CNTNAP5: variants seen among roughly 807,000 people sequenced by gnomAD.
CNTNAP5 encodes contactin-associated protein-like 5.
A neutral mutation model predicts 150.2 loss-of-function variants in CNTNAP5; 72 were observed. The ratio of observed to expected loss-of-function variants is 0.48; its 90% CI spans 0.40 to 0.58. CNTNAP5 has a LOEUF of 0.58. CNTNAP5 is among the 20% of genes least tolerant of loss of function. The pLI is 0.00. For missense variants in CNTNAP5, 1,636 were observed against 1,626.2 expected (o/e 1.01, Z -0.10); for synonymous variants, 672 against 619.8 (o/e 1.08, Z -1.25).
At position 124,880,016 on chromosome 2, in the gene CNTNAP5, C is replaced by T. The variant is rs187897559; in HGVS notation, c.3436+10254C>T. Among the ~76,000 whole-genome samples, 389 of 152,230 alleles carry T rather than the reference C, an allele frequency of 2.6e-3. 5 individuals are homozygous for T. Among genetic ancestry groups the T allele is most frequent in the African/African-American group, 9.0e-3 (372 of 41,552 alleles). ...CACAGATTAGAATTCTAGGTGCTTT[C>T]CCACACAGAAGGAGAGGGAATTGAG... On this transcript the variant is annotated intron_variant, in intron 21 of 23. Coordinates refer to ENST00000682447, the MANE Select transcript of CNTNAP5 (RefSeq NM_001367498.1).
At chr2:124,128,503 C>T (rs553896371) in intron 1 of CNTNAP5, among the ~76,000 whole-genome samples, 11 of 152,246 alleles carry the variant, frequency 7.2e-5, no homozygotes, top group East Asian at 5.8e-4. Flanking sequence ...GACAGTGTGG[C>T]GATTCCTCAA....
chr2:124,028,612 C>T (rs1272283472), intron 1 of CNTNAP5, among the ~76,000 whole-genome samples: 2 of 152,066 alleles, frequency 1.3e-5, no homozygotes, highest in Admixed American at 6.6e-5. Context: ...AATTAGTTAA[C>T]ATCAAATGTA....
intron 13 of CNTNAP5, among the ~76,000 whole-genome samples, chr2:124,733,992 G>A (rs1680329495): frequency 6.6e-6 from 1 of 152,126 alleles, no homozygotes; most frequent in African/African-American, 2.4e-5. Flanking sequence ...CATGTGTGAA[G>A]CCTGAGTAGG....
intron 9 of CNTNAP5, among the ~76,000 whole-genome samples, chr2:124,525,125 T>A (rs2104887714): frequency 6.6e-6 from 1 of 152,372 alleles, no homozygotes; most frequent in Non-Finnish European, 1.5e-5. Flanking sequence ...AGGCATCTAC[T>A]GATTTTTTAT....
At chr2:124,567,695 TC>T (rs1279553523) in intron 11 of CNTNAP5, among the ~76,000 whole-genome samples, 1 of 152,166 alleles carries the variant, frequency 6.6e-6, no homozygotes, top group African/African-American at 2.4e-5. Context: ...ACGTGCAAGT[TC>T]AGAAGCCTGT....
intron 11 of CNTNAP5, among the ~76,000 whole-genome samples, chr2:124,602,154 C>A (rs1383326559): frequency 6.6e-6 from 1 of 151,850 alleles, no homozygotes; most frequent in Non-Finnish European, 1.5e-5. Context: ...ACCAGCCTGG[C>A]CAACAGGTGA....
intron 19 of CNTNAP5, among the ~76,000 whole-genome samples, chr2:124,840,092 T>C (rs1682915372): frequency 6.6e-6 from 1 of 152,070 alleles, no homozygotes; most frequent in African/African-American, 2.4e-5. Flanking sequence ...ATAATAAAGC[T>C]TGAGAGGATG....
chr2:124,328,079 A>G (rs1689264602), intron 3 of CNTNAP5, among the ~76,000 whole-genome samples: 1 of 152,236 alleles, frequency 6.6e-6, no homozygotes, highest in African/African-American at 2.4e-5. Flanking sequence ...AAAAAAAAGC[A>G]GAGCTACAGA....
At chr2:124,502,487 T>C (rs1410503674) in intron 7 of CNTNAP5, among the ~76,000 whole-genome samples, 1 of 152,182 alleles carries the variant, frequency 6.6e-6, no homozygotes, top group Non-Finnish European at 1.5e-5. Flanking sequence ...GCCTTCTTCA[T>C]CTTTGTGAAC....
chr2:124,043,627 T>C (rs1358930047), intron 1 of CNTNAP5, among the ~76,000 whole-genome samples: 2 of 152,216 alleles, frequency 1.3e-5, no homozygotes, highest in Non-Finnish European at 2.9e-5. Flanking sequence ...TAAAATATGA[T>C]GTCTGGAATA....
At chr2:124,348,573 A>G (rs766082634) in intron 3 of CNTNAP5, among the ~76,000 whole-genome samples, 2 of 152,210 alleles carry the variant, frequency 1.3e-5, no homozygotes, top group African/African-American at 4.8e-5. Flanking sequence ...TATTAAATTT[A>G]GAAAATGCAG....
intron 14 of CNTNAP5, among the ~76,000 whole-genome samples, chr2:124,756,565 A>G (rs1420068334): frequency 1.3e-5 from 2 of 152,240 alleles, no homozygotes; most frequent in Non-Finnish European, 2.9e-5. Context: ...CATATATACC[A>G]TGAAATACTA....
intron 19 of CNTNAP5, among the ~76,000 whole-genome samples, chr2:124,826,099 T>TA (rs553407015): frequency 5.7e-4 from 86 of 149,712 alleles, no homozygotes; most frequent in Middle Eastern, 7.0e-3. Context: ...AAGTAGTTTT[T>TA]AAAAAAAAAA....
intron 11 of CNTNAP5, among the ~76,000 whole-genome samples, chr2:124,571,525 T>TC (rs1696153442): frequency 1.3e-5 from 1 of 75,220 alleles, no homozygotes; most frequent in Non-Finnish European, 2.6e-5. Context: ...TTTTTCTTTT[T>TC]TCTTTTTTTT....
At chr2:124,696,738 A>G (rs900809463) in intron 13 of CNTNAP5, among the ~76,000 whole-genome samples, 3 of 152,134 alleles carry the variant, frequency 2.0e-5, no homozygotes, top group South Asian at 2.1e-4. Flanking sequence ...ATACATGACG[A>G]TCTTCAATTC....
At chr2:124,400,669 GTTTT>G (rs760418441) in intron 3 of CNTNAP5, among the ~76,000 whole-genome samples, 10 of 84,496 alleles carry the variant, frequency 1.2e-4, no homozygotes, top group African/African-American at 3.8e-4. Context: ...TAAAGGCATT[GTTTT>G]TTTTTTTTTT....
At chr2:124,808,004 G>C (rs915603412) in intron 19 of CNTNAP5, among the ~76,000 whole-genome samples, 5 of 152,000 alleles carry the variant, frequency 3.3e-5, no homozygotes, top group Admixed American at 2.6e-4. Flanking sequence ...AACAAGTCAA[G>C]AAAAAAATAC....
chr2:124,638,193 T>C (rs1358452285), intron 12 of CNTNAP5, among the ~76,000 whole-genome samples: 1 of 149,050 alleles, frequency 6.7e-6, no homozygotes, highest in East Asian at 1.9e-4. Context: ...ATATATGAGA[T>C]ATATATAATA....
chr2:124,307,673 T>C (rs948067466), intron 3 of CNTNAP5, among the ~76,000 whole-genome samples: 3 of 152,214 alleles, frequency 2.0e-5, no homozygotes, highest in Non-Finnish European at 4.4e-5. Flanking sequence ...CTTTGGGGGC[T>C]GAAATGCAAA....
Sources: gnomAD v4.1 joint callset for allele counts (sites outside exome capture counted in the v4.1 genomes callset) on GRCh38, gnomAD v4.1.1 for gene constraint, MANE v1.5 for transcripts, NCBI Gene and HGNC (gene_info 2026-07-23, HGNC 2026-07-21) for gene names.